Variants in PCYT1B observed in about 807,000 individuals in gnomAD.
The protein encoded by PCYT1B is choline-phosphate cytidylyltransferase B.
In PCYT1B, 10 loss-of-function variants were observed where a neutral mutation model predicts 26.4. The ratio of observed to expected loss-of-function variants is 0.38; its 90% confidence interval spans 0.23 to 0.64. The LOEUF (loss-of-function observed/expected upper bound fraction) is 0.64, where lower values mean the gene tolerates loss of function less well. Ranked by LOEUF, PCYT1B falls within the 30% of genes least tolerant of loss-of-function variation. The pLI is 0.56. For missense variants in PCYT1B, 161 were observed against 292.7 expected (o/e 0.55, Z 3.28); for synonymous variants, 131 against 108.4 (o/e 1.21, Z -1.29).
In PCYT1B at chrX:24,559,027, G is replaced by A. The variant is rs752562223; in HGVS notation, c.*3266C>T. ...GGTGAGTTAACACTTGAAAGGGAGCGGAAAATCGGCTGGACGCCGTGGCTC... is the reference window on the plus strand; with the variant it reads ...GGTGAGTTAACACTTGAAAGGGAGCAGAAAATCGGCTGGACGCCGTGGCTC... On this transcript the variant is annotated 3_prime_UTR_variant, in exon 8 of 8. Coordinates refer to ENST00000379144, the MANE Select transcript of PCYT1B (RefSeq NM_004845.5). The A allele has an allele frequency of 8.9e-6, 1 of 112,016 alleles. No individual in the cohort carries two copies. Among genetic ancestry groups the A allele is most frequent in the Non-Finnish European group, 1.9e-5 (1 of 53,188 alleles). 9.2% of individuals were successfully genotyped at this position (112,016 alleles called of 1,213,427 possible).
At position 24,575,324 on chromosome X, in the gene PCYT1B, G is replaced by A; in HGVS notation, c.709-6C>T. ...TGGAAACGGTACCTCTTCTCCTGGTGAAAGTTTACAGGAAAAAAAAAAACA... is the reference window on the plus strand; with the variant it reads ...TGGAAACGGTACCTCTTCTCCTGGTAAAAGTTTACAGGAAAAAAAAAAACA... On this transcript the variant is annotated splice_polypyrimidine_tract_variant and splice_region_variant and intron_variant, in intron 6 of 7. Coordinates refer to ENST00000379144, the MANE Select transcript of PCYT1B (RefSeq NM_004845.5). 9.0e-7 allele frequency: 1 copy of A among 1,114,302 alleles called. No individual in the cohort carries two copies. Among genetic ancestry groups the A allele is most frequent in the Non-Finnish European group, 1.2e-6 (1 of 841,736 alleles). 91.8% of individuals were successfully genotyped at this position (1,114,302 alleles called of 1,213,427 possible).
At chrX:24,575,634 G>A (rs1923990661) in intron 6 of PCYT1B, among the ~76,000 whole-genome samples, 2 of 112,431 alleles carry the variant, frequency 1.8e-5, no homozygotes, top group South Asian at 3.6e-4. Flanking sequence ...GTCTTTTGTT[G>A]TGCATAGATA....
chrX:24,655,976 A>C (rs1176014516), intron 1 of PCYT1B, among the ~76,000 whole-genome samples: 1 of 104,722 alleles, frequency 9.5e-6, no homozygotes, highest in African/African-American at 3.5e-5. Flanking sequence ...AAAAAAAAAA[A>C]AAAAATTAGC....
At chrX:24,585,538 G>A (rs1924342301) in intron 5 of PCYT1B, among the ~76,000 whole-genome samples, 2 of 110,869 alleles carry the variant, frequency 1.8e-5, no homozygotes, top group Non-Finnish European at 3.8e-5. Flanking sequence ...GCCAAAGTGG[G>A]GAGGTGACAG....
intron 7 of PCYT1B, among the ~76,000 whole-genome samples, chrX:24,564,238 T>C (rs756250911): frequency 1.8e-5 from 2 of 111,133 alleles, no homozygotes; most frequent in Non-Finnish European, 1.9e-5. Context: ...CCCGGGATGA[T>C]GGCAGTGTGC....
intron 1 of PCYT1B, among the ~76,000 whole-genome samples, chrX:24,655,855 T>C (rs1034451744): frequency 2.8e-5 from 3 of 106,708 alleles, no homozygotes; most frequent in Non-Finnish European, 5.8e-5. Context: ...TTCAGGTCTA[T>C]GACCTATAAA....
intron 2 of PCYT1B, among the ~76,000 whole-genome samples, chrX:24,618,251 T>C (rs746643449): frequency 1.8e-5 from 2 of 112,514 alleles, no homozygotes; most frequent in Non-Finnish European, 3.7e-5. Flanking sequence ...AAAAAATGCA[T>C]ACTTTTAAGA....
At chrX:24,563,586 T>C (rs1389271433) in intron 7 of PCYT1B, among the ~76,000 whole-genome samples, 3 of 111,234 alleles carry the variant, frequency 2.7e-5, no homozygotes, top group Non-Finnish European at 3.8e-5. Context: ...GTGAGAACTC[T>C]GCCTTTCAGT....
At chrX:24,671,056 C>A (rs887534956) in intron 1 of PCYT1B, among the ~76,000 whole-genome samples, 1 of 110,375 alleles carries the variant, frequency 9.1e-6, no homozygotes, top group Non-Finnish European at 1.9e-5. Flanking sequence ...TAACCTCCAC[C>A]TCCTGGGTTC....
intron 4 of PCYT1B, among the ~76,000 whole-genome samples, chrX:24,588,740 T>C (rs1924455021): frequency 9.0e-6 from 1 of 111,528 alleles, no homozygotes; most frequent in Non-Finnish European, 1.9e-5. Context: ...TAGAAGCCGG[T>C]AGCACCCCTC....
Position 24,562,443 on chromosome X carries a change from A to G in PCYT1B, c.960T>C (p.Pro320=). Residue 320 remains proline (P), a synonymous_variant, in exon 8 of 8, where the codon CCT becomes CCC. Coordinates refer to ENST00000379144, the MANE Select transcript of PCYT1B (RefSeq NM_004845.5). ...MLQALSPKQS[P]VSSPTRSRSP... The stretch of plus-strand genomic sequence containing the variant: ...ACCGGCTCCGGGTTGGGCTGCTCAC[A>G]GGGCTCTGCTTCGGGGATAAGGCCT... 4.2e-6 allele frequency: 5 copies of G among 1,204,820 alleles called. No individual in the cohort carries two copies. Among genetic ancestry groups the G allele is most frequent in the Non-Finnish European group, 5.6e-6 (5 of 892,427 alleles).
intron 1 of PCYT1B, among the ~76,000 whole-genome samples, chrX:24,664,356 G>A (rs1373474647): frequency 1.8e-5 from 2 of 111,541 alleles, no homozygotes; most frequent in Non-Finnish European, 3.8e-5. Context: ...GGAGAAATTC[G>A]AAATGTGATT....
At chrX:24,657,155 G>A (rs1174439813) in intron 1 of PCYT1B, among the ~76,000 whole-genome samples, 1 of 111,198 alleles carries the variant, frequency 9.0e-6, no homozygotes, top group Non-Finnish European at 1.9e-5. Context: ...ATCACTTATT[G>A]TCTAATTAAT....
rs192543433 is a variant in PCYT1B, at chrX:24,572,275, C to T, written c.897+2855G>A. 1.8e-3 allele frequency among the ~76,000 whole-genome samples: 196 copies of T among 109,836 alleles called. 6 individuals carry two copies. The East Asian group carries it at 0.052, about 29-fold the overall frequency. On this transcript the variant is annotated intron_variant, in intron 7 of 7. Coordinates refer to ENST00000379144, the MANE Select transcript of PCYT1B (RefSeq NM_004845.5). Reference sequence around the variant, plus strand: ...ATACACACACGCGCGCGCACACACACACACACACACACACGTATATGGGGT... The same window carrying T: ...ATACACACACGCGCGCGCACACACATACACACACACACACGTATATGGGGT...
chrX:24,641,816 T>C (rs755109114), intron 1 of PCYT1B, among the ~76,000 whole-genome samples: 1 of 112,518 alleles, frequency 8.9e-6, no homozygotes, highest in African/African-American at 3.2e-5. Context: ...ATTACACATG[T>C]GGCTCATGCT....
At chrX:24,593,450 CTTTTCTTTTCT>C (rs1569242710) in intron 3 of PCYT1B, among the ~76,000 whole-genome samples, 98 of 6,688 alleles carry the variant, frequency 0.015, 1 homozygote, top group African/African-American at 0.072. Context: ...TCTTTCTTTT[CTTTTCTTTTCT>C]TTTCTTTTCT....
chrX:24,639,574 C>T (rs1477598826), intron 1 of PCYT1B, among the ~76,000 whole-genome samples: 2 of 111,537 alleles, frequency 1.8e-5, no homozygotes, highest in African/African-American at 6.5e-5. Flanking sequence ...CTGGAGGCCT[C>T]AGGAGAGGAC....
rs184926555 is a variant in PCYT1B at position 24,670,520 on chromosome X, C to G, written c.63+2050G>C. 4.4e-3 allele frequency among the ~76,000 whole-genome samples: 493 copies of G among 111,751 alleles called. 7 individuals are homozygous for G. The highest frequency in any genetic ancestry group is 0.013 in the South Asian group (33 of 2,625). On this transcript the variant is annotated intron_variant, in intron 1 of 7. Transcript: ENST00000379145. ...GAAAGTTTAATTTACAGAAGTTGAG[C>G]CTGCCTGTGTGAGAAAAGTACACTG... is the stretch of plus-strand genomic sequence containing the variant.
At chrX:24,656,783 C>T (rs1312215860) in intron 1 of PCYT1B, among the ~76,000 whole-genome samples, 2 of 109,487 alleles carry the variant, frequency 1.8e-5, no homozygotes, top group African/African-American at 6.6e-5. Flanking sequence ...CCCCCAACCT[C>T]GGCCTCCCAA....
Sources: allele counts gnomAD v4.1 joint callset (sites outside exome capture counted in the v4.1 genomes callset), GRCh38; gene constraint gnomAD v4.1.1; transcripts MANE v1.5; gene names NCBI Gene and HGNC (gene_info 2026-07-23, HGNC 2026-07-21).